PSMD12: variants seen among roughly 807,000 people sequenced by gnomAD.
PSMD12 encodes the protein 26S proteasome non-ATPase regulatory subunit 12.
Under a neutral mutation model 62.9 loss-of-function variants are expected in PSMD12, and 8 were observed. The ratio of observed to expected loss-of-function variants is 0.13; its 90% CI spans 0.07 to 0.23. The LOEUF is 0.23. Among genes scored for constraint, PSMD12 ranks in the 10% least tolerant of loss-of-function variants. The pLI, the probability that PSMD12 is intolerant of heterozygous loss-of-function variation, is 1.00. For missense variants in PSMD12, 424 were observed against 550.2 expected (o/e 0.77, Z 2.29); for synonymous variants, 173 against 187.4 (o/e 0.92, Z 0.63).
At chr17:67,363,721 G>A (rs889982576) in intron 1 of PSMD12, among the ~76,000 whole-genome samples, 1 of 152,002 alleles carries the variant, frequency 6.6e-6, no homozygotes, top group Middle Eastern at 3.4e-3. Context: ...TTTTTTTTAT[G>A]TTTGGCAGAA....
intron 1 of PSMD12, among the ~76,000 whole-genome samples, chr17:67,358,014 C>G (rs567742197): frequency 6.6e-6 from 1 of 152,058 alleles, no homozygotes; most frequent in African/African-American, 2.4e-5. Flanking sequence ...CTCCACCTCC[C>G]GGGTTCTAGC....
chr17:67,346,195 C>T (rs2041964118), intron 7 of PSMD12, among the ~76,000 whole-genome samples: 1 of 151,884 alleles, frequency 6.6e-6, no homozygotes, highest in Non-Finnish European at 1.5e-5. Context: ...GAGATCGAGA[C>T]CATCCTGGCT....
rs760597829 is a variant in PSMD12, at chr17:67,357,597, A to G, written c.109-19T>C. ...TTCCTTCCTAAAACAAAAGATGAAA[A>G]TGAACAATAAAAAAACACACAAAAT... On this transcript the variant is annotated intron_variant, in intron 1 of 10. Coordinates refer to ENST00000356126, the MANE Select transcript of PSMD12 (RefSeq NM_002816.5). 1 of 1,604,528 alleles carries G rather than the reference A, an allele frequency of 6.2e-7. No individual in the cohort carries two copies. The highest frequency in any genetic ancestry group is 2.2e-5 in the East Asian group (1 of 44,814).
At chr17:67,346,009 G>A (rs1003167725) in intron 7 of PSMD12, 152 bp from the exon 8 acceptor site, 120 of 662,548 alleles carry the variant, frequency 1.8e-4, no homozygotes, top group Non-Finnish European at 2.4e-4. Flanking sequence ...CAGCACTTTG[G>A]GAGGCCAAGG....
At chr17:67,365,650 T>C (rs2042172077) in intron 1 of PSMD12, among the ~76,000 whole-genome samples, 1 of 152,160 alleles carries the variant, frequency 6.6e-6, no homozygotes, top group Non-Finnish European at 1.5e-5. Context: ...CTTTATCACC[T>C]TTCTCCATCC....
rs1234626189 is a variant in PSMD12 at position 67,357,206 on chromosome 17, G to GACTTAACA, written c.297+89_297+96dup. 3 of 1,357,412 alleles carry GACTTAACA rather than the reference G, an allele frequency of 2.2e-6. No homozygotes were observed. In the East Asian group the frequency reaches 7.1e-5, roughly 32 times the overall value. 84.1% of individuals were successfully genotyped at this position (1,357,412 alleles called of 1,614,324 possible). A position where few individuals can be genotyped will look rare whatever the true frequency, so the allele number is the denominator to read the frequency against. ...ACACCCTCTAGGATGTTACAACGTT[G>GACTTAACA]ACTTAACACATTTTAAACAGACTTA... On this transcript the variant is annotated intron_variant, in intron 3 of 10. Transcript: ENST00000356126.
intron 9 of PSMD12, among the ~76,000 whole-genome samples, chr17:67,343,185 C>T (rs72841737): frequency 0.2 from 30,248 of 151,888 alleles, 3,812 homozygotes; most frequent in South Asian, 0.32. Flanking sequence ...ACATCTTCTC[C>T]CATCTCTATC....
At position 67,358,567 on chromosome 17, in the gene PSMD12, C is replaced by CAAAAAAAAAAAAAA. The variant is rs398039153; in HGVS notation, c.109-1003_109-990dup. Among the ~76,000 whole-genome samples the CAAAAAAAAAAAAAA allele has an allele frequency of 7.3e-4, 54 of 73,920 alleles. 2 individuals are homozygous for CAAAAAAAAAAAAAA. The highest frequency in any genetic ancestry group is 1.5e-3 in the East Asian group (3 of 2,046). The allele number at this position is 73,920 out of a possible 152,430, so 48.5% of individuals were successfully genotyped here. ...TGGGCGACAGAGTGAGAACCTGTCT[C>CAAAAAAAAAAAAAA]AAAAAAAAAAAAAAAAAAAGAAAAG... On this transcript the variant is annotated intron_variant, in intron 1 of 10. Coordinates refer to ENST00000356126, the MANE Select transcript of PSMD12 (RefSeq NM_002816.5).
At position 67,366,516 on chromosome 17, in the gene PSMD12, C is replaced by T. The variant is rs1465172920; in HGVS notation, c.4G>A (p.Ala2Thr). The change falls in exon 1 of 11, where the codon GCG becomes ACG. Residue 2 changes from alanine (A) to threonine (T), a missense_variant. Ala to Thr is a moderately conservative substitution (Grantham distance 58, BLOSUM62 0). Coordinates refer to ENST00000356126, the MANE Select transcript of PSMD12 (RefSeq NM_002816.5). The part of the protein sequence containing the change: M[A>T]DGGSERADGR... The stretch of plus-strand genomic sequence containing the variant: ...TCAGCCCGCTCCGAGCCGCCGTCCG[C>T]CATGGTCCCCGCCTGAGCGTCCCTT... The T allele has an allele frequency of 6.2e-7, 1 of 1,605,536 alleles. No homozygotes were observed.
At chr17:67,366,376 C>G in intron 1 of PSMD12, 36 bp downstream of exon 1, 1 of 1,583,486 alleles carries the variant, frequency 6.3e-7, no homozygotes, top group Non-Finnish European at 8.6e-7. Flanking sequence ...GACTCAGCCC[C>G]TGGCGCCCGC....
chr17:67,341,144 A>G, intron 10 of PSMD12, 92 bp from the exon 11 acceptor site: 1 of 964,488 alleles, frequency 1.0e-6, no homozygotes, highest in Admixed American at 3.1e-5. Context: ...CTCTTCATCC[A>G]AGAATATGCA....
At chr17:67,346,461 A>G (rs1344944632) in intron 7 of PSMD12, among the ~76,000 whole-genome samples, 3 of 151,678 alleles carry the variant, frequency 2.0e-5, no homozygotes, top group African/African-American at 7.3e-5. Context: ...GCTACTCAGG[A>G]GACTGAGGCA....
intron 3 of PSMD12, among the ~76,000 whole-genome samples, chr17:67,350,976 G>A (rs2042011675): frequency 6.6e-6 from 1 of 152,192 alleles, no homozygotes; most frequent in Non-Finnish European, 1.5e-5. Context: ...AAAAACAAAT[G>A]AGTGTGGCTG....
At chr17:67,347,295 T>C (rs775246994) in intron 6 of PSMD12, 41 bp downstream of exon 6, 4 of 1,611,946 alleles carry the variant, frequency 2.5e-6, no homozygotes, top group Non-Finnish European at 3.4e-6. Context: ...TGGGTTTTAT[T>C]CATACTTTTA....
At chr17:67,357,609 A>C in intron 1 of PSMD12, 31 bp from the exon 2 acceptor site, 2 of 1,588,198 alleles carry the variant, frequency 1.3e-6, no homozygotes, top group South Asian at 2.2e-5. Flanking sequence ...GAACAATAAA[A>C]AAACACACAA....
chr17:67,342,148 G>T, intron 10 of PSMD12, 38 bp downstream of exon 10: 1 of 1,371,138 alleles, frequency 7.3e-7, no homozygotes, highest in Non-Finnish European at 1.0e-6. Context: ...CATTCAAAAG[G>T]AATGCCTACA....
At chr17:67,365,436 T>C (rs1791553522) in intron 1 of PSMD12, among the ~76,000 whole-genome samples, 1 of 152,164 alleles carries the variant, frequency 6.6e-6, no homozygotes, top group African/African-American at 2.4e-5. Context: ...TCAAATGGCT[T>C]AGTGCATGTA....
chr17:67,343,619 C>G (rs996966460), intron 9 of PSMD12, among the ~76,000 whole-genome samples: 6 of 152,180 alleles, frequency 3.9e-5, no homozygotes, highest in Non-Finnish European at 8.8e-5. Flanking sequence ...TCTCTAGATA[C>G]TTGTACTACA....
At chr17:67,344,447 C>T (rs114851233) in intron 9 of PSMD12, among the ~76,000 whole-genome samples, 159 bp downstream of exon 9, 252 of 152,228 alleles carry the variant, frequency 1.7e-3, no homozygotes, top group African/African-American at 5.7e-3. Flanking sequence ...AAAAAATATC[C>T]TAAGTGAAGA....
Sources: gnomAD v4.1 joint callset for allele counts (sites outside exome capture counted in the v4.1 genomes callset) on GRCh38, gnomAD v4.1.1 for gene constraint, MANE v1.5 for transcripts, NCBI Gene and HGNC (gene_info 2026-07-23, HGNC 2026-07-21) for gene names.